The following METTL17 variants were observed in gnomAD, a reference collection of about 807,000 sequenced individuals.
METTL17 encodes the protein ribosome assembly protein METTL17, mitochondrial.
Under a neutral mutation model 59.4 loss-of-function variants are expected in METTL17, and 49 were observed. That is an observed-to-expected ratio of 0.82 (90% CI 0.66 to 1.05). The LOEUF (loss-of-function observed/expected upper bound fraction) is 1.05, where lower values mean the gene tolerates loss of function less well. Ranked by LOEUF, METTL17 falls within the 50% of genes least tolerant of loss-of-function variation. The pLI, the probability that METTL17 is intolerant of heterozygous loss-of-function variation, is 0.00. For synonymous variants in METTL17, 208 were observed against 209.2 expected (o/e 0.99, Z 0.05); for missense variants, 555 against 578.4 (o/e 0.96, Z 0.41).
chr14:20,997,029 A>G lies in METTL17; in HGVS notation c.*139A>G, dbSNP rs1880427146. ...AATAATAAATAATAAATTTTTGAAG[A>G]ATGGAAGTGGATTTTGTGATTCTTA... On this transcript the variant is annotated 3_prime_UTR_variant, in exon 14 of 14. Coordinates refer to ENST00000339374, the MANE Select transcript of METTL17 (RefSeq NM_022734.3). 1 of 957,826 alleles carries G rather than the reference A, an allele frequency of 1.0e-6. No individual in the cohort carries two copies. Among genetic ancestry groups the G allele is most frequent in the African/African-American group, 1.7e-5 (1 of 60,300 alleles). The allele number at this position is 957,826 out of a possible 1,614,324, so 59.3% of individuals were successfully genotyped here.
intron 1 of METTL17, 57 bp from the exon 2 acceptor site, chr14:20,990,173 G>T: frequency 1.2e-6 from 2 of 1,612,784 alleles, no homozygotes; most frequent in African/African-American, 1.3e-5. Flanking sequence ...CCGCCCTAGC[G>T]ATTGCCAGCA....
In METTL17 at chr14:20,993,151, A is replaced by T. The variant is rs1462790023; in HGVS notation, c.562A>T (p.Thr188Ser). The T allele has an allele frequency of 6.2e-7, 1 of 1,614,128 alleles. No homozygotes were observed. The highest frequency in any genetic ancestry group is 8.5e-7 in the Non-Finnish European group (1 of 1,180,020). The change falls in exon 6 of 14, where the codon ACT becomes TCT. Residue 188 changes from threonine (T) to serine (S), a missense_variant. Transcript: ENST00000339374. Reference sequence around the variant, plus strand: ...TCGAAATCCAGCATTTCAGCCACAAACTTTGATGGACTTTGGCTCAGGTAC... The same window carrying T: ...TCGAAATCCAGCATTTCAGCCACAATCTTTGATGGACTTTGGCTCAGGTAC... ...RARNPAFQPQ[T>S]LMDFGSGTGS...
chr14:20,990,093 C>A lies in METTL17; in HGVS notation c.75+16C>A. On this transcript the variant is annotated intron_variant, in intron 1 of 13. Transcript: ENST00000339374. ...CCAGGCCCGGGTGAGTGCCTACATT[C>A]CCTGCTGTCGGAGAGACTCTGGATC... 6.2e-7 allele frequency: 1 copy of A among 1,612,804 alleles called. No individual in the cohort carries two copies. The highest frequency in any genetic ancestry group is 1.1e-5 in the South Asian group (1 of 91,082).
rs532257707 is a variant in METTL17, at chr14:20,990,252, G to C, written c.98G>C (p.Gly33Ala). 3.3e-5 allele frequency: 53 copies of C among 1,614,220 alleles called. 1 individual carries two copies. In the South Asian group the frequency reaches 5.6e-4, roughly 17 times the overall value. ...CAGGCGCTCGCCGCCTTAGTACCCG[G>C]AGTGACCCAGGTAGATAACAAGTCC... The part of the protein sequence containing the change: ...QARALAALVP[G>A]VTQVDNKSGF... The change falls in exon 2 of 14, where the codon GGA becomes GCA. Residue 33 changes from glycine (G) to alanine (A), a missense_variant. Physicochemically the swap from Gly to Ala is moderately conservative, Grantham distance 60 (BLOSUM62 0). Transcript: ENST00000339374.
At position 20,990,295 on chromosome 14, in the gene METTL17, GC is replaced by G; in HGVS notation, c.143del (p.Pro48LeufsTer9). 6.2e-7 allele frequency: 1 copy of G among 1,614,244 alleles called. No individual in the cohort carries two copies. Among genetic ancestry groups the G allele is most frequent in the Admixed American group, 1.7e-5 (1 of 60,034 alleles). On this transcript the variant is annotated frameshift_variant, in exon 2 of 14. Coordinates refer to ENST00000339374, the MANE Select transcript of METTL17 (RefSeq NM_022734.3). LOFTEE classifies it high-confidence loss of function. Reference sequence around the variant, plus strand: ...ACAAGTCCGGTTTCCTGCAGAAGAGGCCTCATCGCCAGCACCCTGGCATCCT... The same window carrying G: ...ACAAGTCCGGTTTCCTGCAGAAGAGGCTCATCGCCAGCACCCTGGCATCCT... ...DNKSGFLQKR[P>X]HRQHPGILKL...
Position 20,990,210 on chromosome 14 carries a change from C to T in METTL17, c.76-20C>T, listed in dbSNP as rs754241087. On this transcript the variant is annotated intron_variant, in intron 1 of 13. Transcript: ENST00000339374. ...CTTTCCTTTCTGCCAGGAAATCAAC[C>T]TACCTTTCTCTGCCTGCAGGCGCTC... 42 of 1,613,990 alleles carry T rather than the reference C, an allele frequency of 2.6e-5. No homozygotes were observed. Among genetic ancestry groups the T allele is most frequent in the South Asian group, 2.1e-4 (19 of 91,088 alleles).
At chr14:20,995,292 T>C in intron 10 of METTL17, 59 bp downstream of exon 10, 1 of 1,457,284 alleles carries the variant, frequency 6.9e-7, no homozygotes, top group Non-Finnish European at 9.6e-7. Context: ...TGTTACTCTC[T>C]TGAAAACGAA....
At chr14:20,993,742 G>A (rs953445494) in intron 6 of METTL17, 19 of 319,962 alleles carry the variant, frequency 5.9e-5, no homozygotes, top group African/African-American at 3.9e-4. Context: ...CAAAGTGCTG[G>A]GATTACAAGC....
Position 20,992,583 on chromosome 14 carries a change from G to A in METTL17, c.489G>A (p.Leu163=), listed in dbSNP as rs370485221. ...GLSLVYMAAR[L]DGGFAAVSRA... ...GCCTGGTGTATATGGCAGCAAGACT[G>A]GATGGTGGCTTTGCAGCAGTCTCCA... Residue 163 remains leucine, a synonymous_variant, in exon 5 of 14, where the codon CTG becomes CTA. Coordinates refer to ENST00000339374, the MANE Select transcript of METTL17 (RefSeq NM_022734.3). The A allele has an allele frequency of 6.2e-6, 10 of 1,614,010 alleles. No individual in the cohort carries two copies. The African/African-American group carries it at 8.0e-5, about 13-fold the overall frequency.
At chr14:20,990,441 C>A (rs748637031) in intron 2 of METTL17, 23 bp from the exon 3 acceptor site, 9 of 1,613,584 alleles carry the variant, frequency 5.6e-6, no homozygotes, top group Non-Finnish European at 6.8e-6. Flanking sequence ...CAAGTGATTC[C>A]GCTTTTCGTC....
Position 20,993,949 on chromosome 14 carries a change from T to C in METTL17, c.603-20T>C, listed in dbSNP as rs759584696. 6.3e-7 allele frequency: 1 copy of C among 1,594,742 alleles called. No individual in the cohort carries two copies. Among genetic ancestry groups the C allele is most frequent in the Non-Finnish European group, 8.6e-7 (1 of 1,163,612 alleles). On this transcript the variant is annotated intron_variant, in intron 6 of 13. Transcript: ENST00000339374. ...CTTGGTCATGGGAATTGGTGATTTA[T>C]AATAATTTTGCCATCTTAGGGCTGC...
chr14:20,996,412 A>G lies in METTL17; in HGVS notation c.1081-115A>G, dbSNP rs965481345. ...ATAGCCTGGAGACTTTAGGGCCTAC[A>G]TGTATATGATTTATACATTGTAAAA... On this transcript the variant is annotated intron_variant, in intron 12 of 13. Transcript: ENST00000339374. The G allele has an allele frequency of 8.1e-6, 12 of 1,477,390 alleles. No homozygotes were observed. The African/African-American group carries it at 9.8e-5, about 12-fold the overall frequency. 91.5% of individuals were successfully genotyped at this position (1,477,390 alleles called of 1,614,324 possible).
At chr14:20,995,348 G>T (rs572842426) in intron 10 of METTL17, 115 bp downstream of exon 10, 8 of 906,912 alleles carry the variant, frequency 8.8e-6, no homozygotes, top group Admixed American at 4.0e-5. Context: ...GAAACTGGGC[G>T]TATGAAGTCA....
chr14:20,996,441 G>A, intron 12 of METTL17, 86 bp from the exon 13 acceptor site: 1 of 1,517,036 alleles, frequency 6.6e-7, no homozygotes, highest in Admixed American at 2.0e-5. Flanking sequence ...TGTAAAAAAG[G>A]ACTGCAGGAA....
intron 9 of METTL17, 113 bp from the exon 10 acceptor site, chr14:20,995,052 G>A (rs937466051): frequency 8.6e-7 from 1 of 1,163,642 alleles, no homozygotes; most frequent in Non-Finnish European, 1.3e-6. Flanking sequence ...ATTATGTAAT[G>A]CCTATTTCTT....
At chr14:20,995,435 A>T (rs1224060959) in intron 10 of METTL17, among the ~76,000 whole-genome samples, 1 of 152,224 alleles carries the variant, frequency 6.6e-6, no homozygotes, top group African/African-American at 2.4e-5. Context: ...TATATAAGCC[A>T]TGCTTATTTG....
chr14:20,991,528 TA>T (rs770362804), intron 3 of METTL17, among the ~76,000 whole-genome samples: 1 of 135,234 alleles, frequency 7.4e-6, no homozygotes, highest in African/African-American at 2.6e-5. Context: ...GCCTACCCTT[TA>T]AAAAAAATTT....
Position 20,989,992 on chromosome 14 carries a change from C to A in METTL17, c.-11C>A. The A allele has an allele frequency of 6.3e-7, 1 of 1,583,878 alleles. No individual in the cohort carries two copies. The highest frequency in any genetic ancestry group is 1.1e-5 in the South Asian group (1 of 88,504). On this transcript the variant is annotated 5_prime_UTR_variant, in exon 1 of 14. Transcript: ENST00000339374. ...CACCTGTATTTCCGTTTCCGGTTCG[C>A]CTCCGGAGCCATGGCGGCGGCACTG...
rs1300503595 is a variant in METTL17, at chr14:20,990,350, G to A, written c.196G>A (p.Ala66Thr). 1.2e-6 allele frequency: 2 copies of A among 1,614,236 alleles called. No individual in the cohort carries two copies. The highest frequency in any genetic ancestry group is 3.3e-5 in the Admixed American group (2 of 60,032). ...LKLPHVRLPQALANGAQLLLL... is the reference protein window; with the variant it reads ...LKLPHVRLPQTLANGAQLLLL... Reference sequence around the variant, plus strand: ...GCTGCCGCACGTGCGGCTGCCACAGGCACTGGCTAACGGTGCCCAGTTATT... The same window carrying A: ...GCTGCCGCACGTGCGGCTGCCACAGACACTGGCTAACGGTGCCCAGTTATT... Residue 66 changes from alanine (A) to threonine (T), a missense_variant, in exon 2 of 14, where the codon GCA becomes ACA. By Grantham distance (58) the Ala-to-Thr change is moderately conservative (BLOSUM62 0). Coordinates refer to ENST00000339374, the MANE Select transcript of METTL17 (RefSeq NM_022734.3).
Sources: allele counts gnomAD v4.1 joint callset (sites outside exome capture counted in the v4.1 genomes callset), GRCh38; gene constraint gnomAD v4.1.1; transcripts MANE v1.5; gene names NCBI Gene and HGNC (gene_info 2026-07-23, HGNC 2026-07-21).